The following RPS6KA2 variants were observed in gnomAD, a reference collection of about 807,000 sequenced individuals.
The protein encoded by RPS6KA2 is ribosomal protein S6 kinase A2, also known as ribosomal protein S6 kinase alpha-2.
Under a neutral mutation model 91.8 loss-of-function variants are expected in RPS6KA2, and 42 were observed. The ratio of observed to expected loss-of-function variants is 0.46; its 90% CI spans 0.36 to 0.59. RPS6KA2 has a LOEUF of 0.59. RPS6KA2 is among the 20% of genes least tolerant of loss of function. RPS6KA2 has a pLI of 0.00. For missense variants in RPS6KA2, 798 were observed against 978.5 expected (o/e 0.82, Z 2.46); for synonymous variants, 414 against 393.6 (o/e 1.05, Z -0.61).
At chr6:166,839,927 A>T (rs1433383314) in intron 2 of RPS6KA2, among the ~76,000 whole-genome samples, 1 of 151,758 alleles carries the variant, frequency 6.6e-6, no homozygotes, top group African/African-American at 2.4e-5. Context: ...TAAAATAGAA[A>T]AGGACAAAAA....
chr6:166,454,883 T>C (rs1486435196), intron 12 of RPS6KA2, among the ~76,000 whole-genome samples: 2 of 150,252 alleles, frequency 1.3e-5, no homozygotes, highest in Admixed American at 6.7e-5. Flanking sequence ...AATAGATTAA[T>C]ATATTAAAAT....
intron 2 of RPS6KA2, among the ~76,000 whole-genome samples, chr6:166,842,861 C>T (rs1476131693): frequency 6.6e-6 from 1 of 152,168 alleles, no homozygotes; most frequent in Non-Finnish European, 1.5e-5. Context: ...GTTCCAAGAA[C>T]TACCACAGCA....
chr6:166,731,794 C>T (rs942664504), intron 2 of RPS6KA2, among the ~76,000 whole-genome samples: 2 of 152,130 alleles, frequency 1.3e-5, no homozygotes, highest in Non-Finnish European at 2.9e-5. Context: ...GAAGCTCCAC[C>T]ACCTAGATAG....
intron 2 of RPS6KA2, among the ~76,000 whole-genome samples, chr6:166,781,234 AT>A (rs1778761641): frequency 6.6e-6 from 1 of 152,220 alleles, no homozygotes; most frequent in African/African-American, 2.4e-5. Flanking sequence ...ATTATCAACT[AT>A]TTTCACAAAG....
At chr6:166,818,763 G>A (rs913139151) in intron 2 of RPS6KA2, among the ~76,000 whole-genome samples, 1 of 152,040 alleles carries the variant, frequency 6.6e-6, no homozygotes, top group Non-Finnish European at 1.5e-5. Context: ...TTATTCTTCC[G>A]AGTATGCCGT....
intron 1 of RPS6KA2, among the ~76,000 whole-genome samples, chr6:166,580,575 G>A (rs1175727241): frequency 6.6e-6 from 1 of 152,202 alleles, no homozygotes; most frequent in African/African-American, 2.4e-5. Context: ...CCACGGGTTG[G>A]ACAAGCTTGC....
chr6:166,712,647 G>C (rs933814152), intron 2 of RPS6KA2, among the ~76,000 whole-genome samples: 5 of 152,326 alleles, frequency 3.3e-5, no homozygotes, highest in Admixed American at 2.6e-4. Flanking sequence ...AGCCTCTCAC[G>C]CCATGATGAG....
At chr6:166,481,547 C>A (rs187163081) in intron 10 of RPS6KA2, among the ~76,000 whole-genome samples, 94 of 152,272 alleles carry the variant, frequency 6.2e-4, no homozygotes, top group African/African-American at 1.9e-3. Flanking sequence ...CTGCTGAATT[C>A]TCTGATGAGA....
At chr6:166,730,055 T>G (rs1431113574) in intron 2 of RPS6KA2, among the ~76,000 whole-genome samples, 3 of 152,378 alleles carry the variant, frequency 2.0e-5, no homozygotes, top group East Asian at 1.9e-4. Context: ...ATTTTCTGAT[T>G]GCTTGGAAAA....
At chr6:166,861,231 A>G (rs1435432406) in intron 1 of RPS6KA2, among the ~76,000 whole-genome samples, 2 of 152,264 alleles carry the variant, frequency 1.3e-5, no homozygotes, top group African/African-American at 4.8e-5. Context: ...CATTGAATTT[A>G]TAAGTACAGT....
At chr6:166,415,177 T>G (rs1386587628) in intron 19 of RPS6KA2, among the ~76,000 whole-genome samples, 2 of 152,258 alleles carry the variant, frequency 1.3e-5, no homozygotes, top group African/African-American at 4.8e-5. Flanking sequence ...CAATATCTTT[T>G]TTATACAGAA....
intron 2 of RPS6KA2, among the ~76,000 whole-genome samples, chr6:166,707,246 G>A (rs1789707801): frequency 1.3e-5 from 2 of 152,356 alleles, no homozygotes; most frequent in South Asian, 2.1e-4. Flanking sequence ...GCAGATGGAC[G>A]GCAGCCCGGC....
At chr6:166,527,173 A>G (rs1783083108) in intron 3 of RPS6KA2, among the ~76,000 whole-genome samples, 1 of 152,112 alleles carries the variant, frequency 6.6e-6, no homozygotes, top group Non-Finnish European at 1.5e-5. Context: ...CCTCCATTCC[A>G]CTGTATTCCT....
chr6:166,607,849 G>T (rs917118939), intron 1 of RPS6KA2, among the ~76,000 whole-genome samples: 6 of 152,122 alleles, frequency 3.9e-5, no homozygotes, highest in Non-Finnish European at 7.4e-5. Flanking sequence ...TCTTCAGAAG[G>T]GACTTTCCTT....
intron 5 of RPS6KA2, among the ~76,000 whole-genome samples, chr6:166,506,625 C>T (rs2235270): frequency 0.23 from 34,564 of 152,112 alleles, 4,343 homozygotes; most frequent in South Asian, 0.4. Flanking sequence ...CCCACAGAAA[C>T]GTGCACCACT....
In RPS6KA2 at chr6:166,494,509, C is replaced by G. The variant is rs899345330; in HGVS notation, c.748-3768G>C. Among the ~76,000 whole-genome samples, 12 of 152,184 alleles carry G rather than the reference C, an allele frequency of 7.9e-5. No individual in the cohort carries two copies. ...GAAGGATAAAGTGGTCTCACGAAAC[C>G]AGAGTGCTCAAGAGATGCTTTAGAT... On this transcript the variant is annotated intron_variant, in intron 8 of 20. Coordinates refer to ENST00000265678, the MANE Select transcript of RPS6KA2 (RefSeq NM_021135.6). This position sits in a 1 kb window ranked among gnomAD's most constrained non-coding sequence, Gnocchi z 5.1.
Position 166,573,007 on chromosome 6 carries a change from C to T in RPS6KA2, c.100-34223G>A, listed in dbSNP as rs138469469. Among the ~76,000 whole-genome samples the T allele has an allele frequency of 2.6e-4, 40 of 152,346 alleles. No individual in the cohort carries two copies. In the East Asian group the frequency reaches 6.6e-3, roughly 25 times the overall value. On this transcript the variant is annotated intron_variant, in intron 1 of 20. Transcript: ENST00000265678. Reference sequence around the variant, plus strand: ...GGAAGAGAAAGGAGAGGCTCCTCTGCATGCCCAGCCCCACCCCACACCATG... The same window carrying T: ...GGAAGAGAAAGGAGAGGCTCCTCTGTATGCCCAGCCCCACCCCACACCATG...
chr6:166,689,246 C>T (rs1789123251), intron 2 of RPS6KA2, among the ~76,000 whole-genome samples: 1 of 152,208 alleles, frequency 6.6e-6, no homozygotes, highest in Admixed American at 6.5e-5. Context: ...GGTTTCCTGT[C>T]CCAAAAACAG....
intron 11 of RPS6KA2, among the ~76,000 whole-genome samples, chr6:166,467,748 A>G (rs985259751): frequency 3.9e-5 from 6 of 152,248 alleles, no homozygotes; most frequent in African/African-American, 7.2e-5. Context: ...TTGTCAGCAC[A>G]GTGTCCTCCT....
Sources: gnomAD v4.1 joint callset for allele counts (sites outside exome capture counted in the v4.1 genomes callset) on GRCh38, gnomAD v4.1.1 for gene constraint, Gnocchi (gnomAD v3.1) non-coding constraint, MANE v1.5 for transcripts, NCBI Gene and HGNC (gene_info 2026-07-23, HGNC 2026-07-21) for gene names.